Variants in ANK3 observed in about 807,000 individuals in gnomAD.
ANK3 encodes ankyrin 3, also known as ankyrin-3.
In ANK3, 57 loss-of-function variants were observed where a neutral mutation model predicts 370.9. The observed-to-expected ratio is 0.15, with a 90% CI of 0.12 to 0.19. The LOEUF (loss-of-function observed/expected upper bound fraction) is 0.19, where lower values mean the gene tolerates loss of function less well. Among genes scored for constraint, ANK3 ranks in the 10% least tolerant of loss-of-function variants. The pLI is 1.00. For synonymous variants in ANK3, 1,929 were observed against 1,946.3 expected, an observed-to-expected ratio of 0.99 and a Z score of 0.23; for missense variants, 4,439 against 5,302.1, an observed-to-expected ratio of 0.84 and a Z score of 5.06.
At chr10:60,190,703 AC>A (rs1459758836) in intron 16 of ANK3, among the ~76,000 whole-genome samples, 1 of 152,142 alleles carries the variant, frequency 6.6e-6, no homozygotes, top group Non-Finnish European at 1.5e-5. Flanking sequence ...TAAAATATCA[AC>A]CTCATTTTTC....
chr10:60,074,353 A>G lies in ANK3; in HGVS notation c.6528T>C (p.Tyr2176=). ...RTEVVHVIRS[Y]DPSAGDVPQT... ...GGGGAACATCCCCAGCTGAGGGATC[A>G]TAGCTCCTGATAACATGAACCACTT... is the stretch of plus-strand genomic sequence containing the variant. The change falls in exon 37 of 44, where the codon TAT becomes TAC. Residue 2176 remains tyrosine, a synonymous_variant. Transcript: ENST00000280772. 1 of 1,614,034 alleles carries G rather than the reference A, an allele frequency of 6.2e-7. No individual in the cohort carries two copies. The highest frequency in any genetic ancestry group is 8.5e-7 in the Non-Finnish European group (1 of 1,179,970).
At chr10:60,710,124 A>AG (rs2079682893) in intron 1 of ANK3, among the ~76,000 whole-genome samples, 1 of 152,196 alleles carries the variant, frequency 6.6e-6, no homozygotes, top group African/African-American at 2.4e-5. Context: ...TATTGCACTA[A>AG]CCAGAGTGAA....
intron 1 of ANK3, among the ~76,000 whole-genome samples, chr10:60,633,202 A>G (rs2078508133): frequency 6.6e-6 from 1 of 152,242 alleles, no homozygotes; most frequent in Non-Finnish European, 1.5e-5. Flanking sequence ...CAATGCAGTC[A>G]TCACAATACC....
intron 2 of ANK3, among the ~76,000 whole-genome samples, chr10:60,417,065 G>C (rs1440896777): frequency 6.6e-6 from 1 of 152,192 alleles, no homozygotes; most frequent in African/African-American, 2.4e-5. Flanking sequence ...AAGATATCCA[G>C]ATGAGGCAGG....
intron 2 of ANK3, among the ~76,000 whole-genome samples, chr10:60,408,071 A>G (rs1221879995): frequency 6.6e-6 from 1 of 152,102 alleles, no homozygotes. Flanking sequence ...ATGTTTTCTC[A>G]TTTTCTTTCT....
At position 60,070,498 on chromosome 10, in the gene ANK3, T is replaced by C. The variant is rs61732400; in HGVS notation, c.10383A>G (p.Gln3461=). 5.5e-3 allele frequency: 8,802 copies of C among 1,614,122 alleles called. 443 individuals are homozygous for C. In the African/African-American group the frequency reaches 0.1, roughly 19 times the overall value. The stretch of plus-strand genomic sequence containing the variant: ...CCTCCTCGATAACTTCAAGTTTACT[T>C]TGGCTAAAAGAGCGGTCAGCTGGCT... ...ILKPADRSFS[Q]SKLEVIEEEG... The change falls in exon 37 of 44, where the codon CAA becomes CAG. Residue 3461 remains glutamine (Q), a synonymous_variant. Coordinates refer to ENST00000280772, the MANE Select transcript of ANK3 (RefSeq NM_020987.5). This position sits in a 1 kb window ranked among gnomAD's most constrained non-coding sequence, Gnocchi z 5.7.
chr10:60,547,457 G>A (rs2076991859), intron 2 of ANK3, among the ~76,000 whole-genome samples: 1 of 151,796 alleles, frequency 6.6e-6, no homozygotes, highest in Admixed American at 6.6e-5. Context: ...CTGGAGTGGC[G>A]CGATCTCGGC....
At chr10:60,358,159 TA>T (rs2058079746) in intron 1 of ANK3, among the ~76,000 whole-genome samples, 1 of 151,552 alleles carries the variant, frequency 6.6e-6, no homozygotes, top group Non-Finnish European at 1.5e-5. Context: ...ACTTCTCTCT[TA>T]TCCCACTTTT....
rs1399251865 is a variant in ANK3, at chr10:60,649,041, A to T, written c.58-33817T>A. ...CATGCATCAGCGAGTATAAAGGGAC[A>T]TAATGTCCTTCTTAGGAACTGGCCA... On this transcript the variant is annotated intron_variant, in intron 1 of 43. Coordinates refer to the ANK3 transcript ENST00000373827. Among the ~76,000 whole-genome samples the T allele has an allele frequency of 3.9e-5, 6 of 152,268 alleles. No individual in the cohort carries two copies. The East Asian group carries it at 9.7e-4, about 25-fold the overall frequency.
At chr10:60,395,021 C>A (rs560689025) in intron 2 of ANK3, among the ~76,000 whole-genome samples, 1 of 152,260 alleles carries the variant, frequency 6.6e-6, no homozygotes, top group South Asian at 2.1e-4. Context: ...AGTAGTGTAA[C>A]TGGAGAACTA....
intron 1 of ANK3, among the ~76,000 whole-genome samples, chr10:60,348,018 T>A (rs557902133): frequency 1.3e-5 from 2 of 152,072 alleles, no homozygotes; most frequent in South Asian, 2.1e-4. Context: ...ACCACCACCA[T>A]GCTTTGCTTT....
intron 42 of ANK3, among the ~76,000 whole-genome samples, chr10:60,047,891 G>T (rs902527282): frequency 6.6e-6 from 1 of 152,166 alleles, no homozygotes; most frequent in Non-Finnish European, 1.5e-5. Flanking sequence ...ATTGTATAGA[G>T]ATCAGAATTT....
At chr10:60,528,830 A>G (rs2076538333) in intron 2 of ANK3, among the ~76,000 whole-genome samples, 1 of 152,096 alleles carries the variant, frequency 6.6e-6, no homozygotes, top group East Asian at 1.9e-4. Context: ...GGGGACAAAA[A>G]TCATCTCCTG....
chr10:60,728,589 G>A (rs999161726), intron 1 of ANK3, among the ~76,000 whole-genome samples: 29 of 151,972 alleles, frequency 1.9e-4, no homozygotes, highest in Non-Finnish European at 2.9e-5. Flanking sequence ...TTTTTAAATC[G>A]TAGACTGTTA....
chr10:60,502,896 G>C (rs12254549), intron 2 of ANK3, among the ~76,000 whole-genome samples: 1 of 145,856 alleles, frequency 6.9e-6, no homozygotes, highest in Admixed American at 6.7e-5. Flanking sequence ...AAGAGAGAAA[G>C]AGAACAAGAC....
chr10:60,687,356 C>T (rs2079282109), intron 1 of ANK3, among the ~76,000 whole-genome samples: 1 of 152,064 alleles, frequency 6.6e-6, no homozygotes, highest in South Asian at 2.1e-4. Context: ...AGCAAATAAA[C>T]ACCTAGGAAC....
At chr10:60,201,705 C>CTTTTTTTTTTTTTTTT (rs2096676720) in intron 12 of ANK3, among the ~76,000 whole-genome samples, 1 of 124,498 alleles carries the variant, frequency 8.0e-6, no homozygotes. Context: ...GTTGAAATCA[C>CTTTTTTTTTTTTTTTT]TTCTTTTTTT....
intron 25 of ANK3, among the ~76,000 whole-genome samples, chr10:60,128,368 T>C (rs2093881326): frequency 7.6e-6 from 1 of 130,948 alleles, no homozygotes; most frequent in African/African-American, 3.1e-5. Flanking sequence ...TGTGCCTCAG[T>C]TTCTTCATTT....
At chr10:60,248,204 CT>C (rs1368731778) in intron 7 of ANK3, among the ~76,000 whole-genome samples, 2 of 152,154 alleles carry the variant, frequency 1.3e-5, no homozygotes, top group Non-Finnish European at 2.9e-5. Flanking sequence ...AGAAGTGGAA[CT>C]GCTGGATCAT....
Sources: allele counts gnomAD v4.1 joint callset (sites outside exome capture counted in the v4.1 genomes callset), GRCh38; gene constraint gnomAD v4.1.1; non-coding constraint Gnocchi (gnomAD v3.1); transcripts MANE v1.5; gene names NCBI Gene and HGNC (gene_info 2026-07-23, HGNC 2026-07-21).